UGT2A2: variants seen among roughly 807,000 people sequenced by gnomAD.
UGT2A2 encodes UDP-glucuronosyltransferase 2A2.
UGT2A2 carries 60 observed loss-of-function variants against 50.7 expected under a neutral mutation model. The observed-to-expected ratio is 1.18, with a 90% CI of 0.96 to 1.47. UGT2A2 has a LOEUF of 1.47. Ranked by LOEUF, UGT2A2 falls within the 40% of genes most tolerant of loss-of-function variation. The probability of loss-of-function intolerance (pLI) is 0.00; values close to 1 mark genes in which losing one functional copy is unlikely to be tolerated. For synonymous variants in UGT2A2, 242 were observed against 214.6 expected (o/e 1.13, Z -1.11); for missense variants, 762 against 634.0 (o/e 1.20, Z -2.17).
intron 1 of UGT2A2, among the ~76,000 whole-genome samples, chr4:69,622,349 A>C (rs1720802293): frequency 6.6e-6 from 1 of 151,850 alleles, no homozygotes; most frequent in Non-Finnish European, 1.5e-5. Context: ...ATTTATAGCT[A>C]ATATGCCAGT....
chr4:69,595,319 T>G, intron 3 of UGT2A2, 70 bp from the exon 4 acceptor site: 1 of 1,556,108 alleles, frequency 6.4e-7, no homozygotes, highest in African/African-American at 1.4e-5. Flanking sequence ...GGAGAATTAT[T>G]TAGAAATCAT....
chr4:69,624,231 C>T (rs10012508), intron 1 of UGT2A2, among the ~76,000 whole-genome samples: 6,311 of 151,426 alleles, frequency 0.042, 164 homozygotes, highest in East Asian at 0.069. Context: ...TATAAAATGA[C>T]CTTTATTCTC....
intron 1 of UGT2A2, among the ~76,000 whole-genome samples, chr4:69,632,676 T>G (rs1005735008): frequency 2.6e-5 from 4 of 151,894 alleles, no homozygotes; most frequent in Non-Finnish European, 5.9e-5. Context: ...GATCACAAAG[T>G]CAAGAGTTTG....
At chr4:69,632,803 G>C (rs1308227033) in intron 1 of UGT2A2, among the ~76,000 whole-genome samples, 1 of 151,324 alleles carries the variant, frequency 6.6e-6, no homozygotes, top group East Asian at 1.9e-4. Flanking sequence ...CAGGAAAATC[G>C]CTTGAACCCA....
chr4:69,637,529 C>G (rs1721778816), intron 1 of UGT2A2, among the ~76,000 whole-genome samples: 1 of 152,072 alleles, frequency 6.6e-6, no homozygotes, highest in Non-Finnish European at 1.5e-5. Context: ...GGCTTTTCCT[C>G]CAGGGATCTT....
At chr4:69,636,962 A>G (rs1268528235) in intron 1 of UGT2A2, among the ~76,000 whole-genome samples, 3 of 152,110 alleles carry the variant, frequency 2.0e-5, no homozygotes, top group African/African-American at 4.8e-5. Flanking sequence ...TCACCTTGTT[A>G]CTTTTTGTAT....
At chr4:69,607,702 T>G (rs1261768117) in intron 1 of UGT2A2, among the ~76,000 whole-genome samples, 8 of 151,956 alleles carry the variant, frequency 5.3e-5, no homozygotes, top group Non-Finnish European at 8.8e-5. Flanking sequence ...GAATCTACAA[T>G]GAACTCAAAC....
intron 1 of UGT2A2, among the ~76,000 whole-genome samples, chr4:69,634,267 AAACAAAACAAC>A (rs1189292305): frequency 3.4e-5 from 5 of 145,008 alleles, no homozygotes; most frequent in Non-Finnish European, 6.1e-5. Flanking sequence ...AAACAAAACA[AAACAAAACAAC>A]AACAACAACA....
rs368279998 is a variant in UGT2A2 at position 69,589,453 on chromosome 4, C to T, written c.1530G>A (p.Thr510=). ...VIGFLLVCVT[T]AIFLVIQCCL... ...AACATTGTATGACCAAAAATATAGC[C>T]GTTGTCACACAGACCAGCAAGAACC... The change falls in exon 6 of 6, where the codon ACG becomes ACA. Residue 510 remains threonine (T), a synonymous_variant. Transcript: ENST00000604629. The T allele has an allele frequency of 2.9e-5, 47 of 1,613,882 alleles. No individual in the cohort carries two copies. Among genetic ancestry groups the T allele is most frequent in the Non-Finnish European group, 3.7e-5 (44 of 1,180,010 alleles).
At chr4:69,610,819 A>T (rs1366142084) in intron 1 of UGT2A2, among the ~76,000 whole-genome samples, 1 of 152,192 alleles carries the variant, frequency 6.6e-6, no homozygotes, top group Non-Finnish European at 1.5e-5. Flanking sequence ...TCAGAACTGT[A>T]AGAAAATAAA....
rs1577942885 is a variant in UGT2A2 at position 69,594,465 on chromosome 4, C to T, written c.1331+12G>A. On this transcript the variant is annotated intron_variant, in intron 5 of 5. Transcript: ENST00000604629. ...TAAAGTTAGGCAAGTTTTTAGGAGC[C>T]TTAGTACTTACGAAGGTTCATTAAT... The T allele has an allele frequency of 1.2e-6, 2 of 1,613,780 alleles. No individual in the cohort carries two copies. Among genetic ancestry groups the T allele is most frequent in the Non-Finnish European group, 1.7e-6 (2 of 1,179,896 alleles).
At chr4:69,609,675 C>T (rs571861889) in intron 1 of UGT2A2, among the ~76,000 whole-genome samples, 63 of 138,646 alleles carry the variant, frequency 4.5e-4, no homozygotes, top group Non-Finnish European at 9.1e-4. Flanking sequence ...TATTTCTATA[C>T]CTATACCCAC....
chr4:69,614,934 A>G (rs1229482106), intron 1 of UGT2A2, among the ~76,000 whole-genome samples: 1 of 152,046 alleles, frequency 6.6e-6, no homozygotes, highest in Non-Finnish European at 1.5e-5. Flanking sequence ...TGGAAGGGCA[A>G]TGGGGAAGCA....
Position 69,595,241 on chromosome 4 carries a change from C to T in UGT2A2, c.1032G>A (p.Trp344Ter), listed in dbSNP as rs1281877099. Residue 344 changes from tryptophan (W) to a stop codon, truncating the protein, a stop_gained, in exon 4 of 6, where the codon TGG (tryptophan) becomes TGA (stop). Transcript: ENST00000604629. LOFTEE classifies it high-confidence loss of function. ...TGGCTGGTTTCTTTCCTTTGTATCTCCATAAAACCTGTGGAAAATGGTGCT... is the reference window on the plus strand; with the variant it reads ...TGGCTGGTTTCTTTCCTTTGTATCTTCATAAAACCTGTGGAAAATGGTGCT... Reference protein sequence around the residue: ...ALAQIPQKVLWRYKGKKPATL... With the variant: ...ALAQIPQKVL 3.1e-6 allele frequency: 5 copies of T among 1,613,450 alleles called. No individual in the cohort carries two copies. Among genetic ancestry groups the T allele is most frequent in the Non-Finnish European group, 1.7e-6 (2 of 1,179,824 alleles).
chr4:69,611,610 G>T (rs11728546), intron 1 of UGT2A2, among the ~76,000 whole-genome samples: 59,963 of 151,772 alleles, frequency 0.4, 12,179 homozygotes, highest in African/African-American at 0.48. Flanking sequence ...TTGAGAAAAC[G>T]AAGGTCTAAC....
intron 1 of UGT2A2, among the ~76,000 whole-genome samples, chr4:69,637,350 A>T: frequency 6.6e-6 from 1 of 152,020 alleles, no homozygotes; most frequent in South Asian, 2.1e-4. Flanking sequence ...ACTTTTTGAT[A>T]AAAAAAATTA....
At chr4:69,619,245 TA>T (rs1278214635) in intron 1 of UGT2A2, among the ~76,000 whole-genome samples, 2 of 151,212 alleles carry the variant, frequency 1.3e-5, no homozygotes, top group Non-Finnish European at 3.0e-5. Flanking sequence ...AAAATAAAAA[TA>T]AAAAATTAGC....
At chr4:69,638,758 C>T (rs1721865732) in intron 1 of UGT2A2, 141 bp downstream of exon 1, 1 of 1,089,764 alleles carries the variant, frequency 9.2e-7, no homozygotes, top group Admixed American at 3.3e-5. Context: ...AGAGAATAAT[C>T]AGGGAATTGT....
intron 1 of UGT2A2, among the ~76,000 whole-genome samples, chr4:69,610,699 C>T (rs748038296): frequency 1.3e-5 from 2 of 151,986 alleles, no homozygotes; most frequent in Non-Finnish European, 2.9e-5. Context: ...GGAAGTGACA[C>T]CAGGAATGCC....
Sources: allele counts gnomAD v4.1 joint callset (sites outside exome capture counted in the v4.1 genomes callset), GRCh38; gene constraint gnomAD v4.1.1; transcripts MANE v1.5; gene names NCBI Gene and HGNC (gene_info 2026-07-23, HGNC 2026-07-21).